Variants in NPAS3 observed in about 807,000 individuals in gnomAD.
The protein encoded by NPAS3 is neuronal PAS domain protein 3.
NPAS3 carries 14 observed loss-of-function variants against 73.1 expected under a neutral mutation model. The observed-to-expected ratio is 0.19, with a 90% CI of 0.13 to 0.30. The LOEUF is 0.30. NPAS3 is among the 10% of genes least tolerant of loss of function. The pLI, the probability that NPAS3 is intolerant of heterozygous loss-of-function variation, is 1.00. For synonymous variants in NPAS3, 620 were observed against 541.5 expected (o/e 1.14, Z -2.01); for missense variants, 1,096 against 1,250.0 (o/e 0.88, Z 1.86).
At chr14:33,189,751 A>T (rs1465229506) in intron 2 of NPAS3, among the ~76,000 whole-genome samples, 1 of 152,236 alleles carries the variant, frequency 6.6e-6, no homozygotes, top group Non-Finnish European at 1.5e-5. Flanking sequence ...GAATTAGTTT[A>T]TAGATCTAAA....
chr14:33,320,998 G>A (rs2043419776), intron 3 of NPAS3, among the ~76,000 whole-genome samples: 1 of 152,084 alleles, frequency 6.6e-6, no homozygotes, highest in Non-Finnish European at 1.5e-5. Context: ...AAACTGCAGA[G>A]AACATTGCTT....
intron 4 of NPAS3, among the ~76,000 whole-genome samples, chr14:33,537,023 A>G (rs2054287495): frequency 6.6e-6 from 1 of 152,056 alleles, no homozygotes; most frequent in Non-Finnish European, 1.5e-5. Flanking sequence ...AAATATTTTC[A>G]TACTTCAGCA....
rs2050796158 is a variant in NPAS3 at position 33,471,825 on chromosome 14, G to A, written c.469-88296G>A. ...CTGCACAACAGGAGGTGAGCAGCAG[G>A]CAAGCGGCGAGCGAGAGAAGCTTCA... On this transcript the variant is annotated intron_variant, in intron 4 of 11. Transcript: ENST00000356141. Among the ~76,000 whole-genome samples, 3 of 152,332 alleles carry A rather than the reference G, an allele frequency of 2.0e-5. No homozygotes were observed. In the South Asian group the frequency reaches 6.2e-4, roughly 32 times the overall value.
chr14:33,240,131 G>T (rs990490959), intron 3 of NPAS3, among the ~76,000 whole-genome samples: 8 of 151,804 alleles, frequency 5.3e-5, no homozygotes, highest in African/African-American at 1.9e-4. Context: ...TGCATGGAAG[G>T]ATGCATGTAA....
chr14:33,786,506 T>C (rs530041920), intron 9 of NPAS3, among the ~76,000 whole-genome samples: 91 of 152,370 alleles, frequency 6.0e-4, no homozygotes, highest in Admixed American at 1.2e-3. Context: ...CTGTTTTCAC[T>C]TCTGCCTATG....
At chr14:33,039,178 G>A (rs2040268806) in intron 1 of NPAS3, among the ~76,000 whole-genome samples, 1 of 152,066 alleles carries the variant, frequency 6.6e-6, no homozygotes, top group South Asian at 2.1e-4. Flanking sequence ...CTCATTCTGA[G>A]GTTATTCTGC....
intron 7 of NPAS3, among the ~76,000 whole-genome samples, chr14:33,768,650 T>C (rs1051675841): frequency 2.0e-5 from 3 of 152,162 alleles, no homozygotes; most frequent in Non-Finnish European, 2.9e-5. Context: ...TAGGCATCAT[T>C]GCCTGATTCT....
intron 2 of NPAS3, among the ~76,000 whole-genome samples, chr14:33,065,659 T>C (rs1038317016): frequency 2.2e-4 from 33 of 152,074 alleles, no homozygotes; most frequent in African/African-American, 6.3e-4. Context: ...TAAATCCTAA[T>C]TTCCCTGTCC....
At chr14:33,797,842 C>G (rs148707020) in intron 11 of NPAS3, among the ~76,000 whole-genome samples, 161 of 148,440 alleles carry the variant, frequency 1.1e-3, no homozygotes, top group African/African-American at 3.7e-3. Flanking sequence ...ATAAATACAT[C>G]TGTGTGTGTG....
At chr14:33,196,002 T>C (rs1326738826) in intron 2 of NPAS3, among the ~76,000 whole-genome samples, 1 of 152,206 alleles carries the variant, frequency 6.6e-6, no homozygotes, top group East Asian at 1.9e-4. Context: ...AATGGAAAGA[T>C]GTCCTAGAGA....
At chr14:33,730,018 T>G (rs1460251294) in intron 6 of NPAS3, among the ~76,000 whole-genome samples, 1 of 152,152 alleles carries the variant, frequency 6.6e-6, no homozygotes, top group African/African-American at 2.4e-5. Context: ...TGTTAGTTAC[T>G]ATATATATAC....
chr14:33,136,979 T>C (rs1371676928), intron 2 of NPAS3, among the ~76,000 whole-genome samples: 1 of 152,192 alleles, frequency 6.6e-6, no homozygotes, highest in Non-Finnish European at 1.5e-5. Context: ...TGATTAAAAT[T>C]GAGATGAATG....
intron 4 of NPAS3, among the ~76,000 whole-genome samples, chr14:33,405,616 AT>A (rs2047631355): frequency 6.6e-6 from 1 of 152,098 alleles, no homozygotes; most frequent in Admixed American, 6.6e-5. Flanking sequence ...TGTTCACAAT[AT>A]TTTGGGGGTA....
chr14:33,702,930 C>T (rs2140457392), intron 6 of NPAS3, among the ~76,000 whole-genome samples: 1 of 152,272 alleles, frequency 6.6e-6, no homozygotes, highest in South Asian at 2.1e-4. Flanking sequence ...ACAATTTCCA[C>T]TTAAGCTAGA....
intron 1 of NPAS3, among the ~76,000 whole-genome samples, chr14:32,972,127 A>T (rs2037458145): frequency 6.6e-6 from 1 of 151,502 alleles, no homozygotes; most frequent in Non-Finnish European, 1.5e-5. Context: ...TTTAGTGGAG[A>T]CAGAGTTTCA....
chr14:33,602,354 T>C (rs1193693119), intron 5 of NPAS3, among the ~76,000 whole-genome samples: 2 of 152,140 alleles, frequency 1.3e-5, no homozygotes, highest in Non-Finnish European at 2.9e-5. Context: ...TTGGGTAGGG[T>C]ATACAAAAGG....
chr14:33,520,669 C>T (rs1304879861), intron 4 of NPAS3, among the ~76,000 whole-genome samples: 3 of 152,032 alleles, frequency 2.0e-5, no homozygotes, highest in Admixed American at 6.6e-5. Context: ...GGAATAAAAA[C>T]AACACAATTA....
chr14:33,681,785 T>A (rs1215296661), intron 6 of NPAS3, among the ~76,000 whole-genome samples: 1 of 152,192 alleles, frequency 6.6e-6, no homozygotes, highest in East Asian at 1.9e-4. Context: ...AAAATTCACA[T>A]GGTGAGTACA....
intron 9 of NPAS3, among the ~76,000 whole-genome samples, chr14:33,793,130 G>T (rs769256985): frequency 5.3e-5 from 8 of 152,174 alleles, no homozygotes; most frequent in Non-Finnish European, 1.0e-4. Flanking sequence ...CTTTCAGTGG[G>T]TATTTAATGG....
Sources: gnomAD v4.1 joint callset for allele counts (sites outside exome capture counted in the v4.1 genomes callset) on GRCh38, gnomAD v4.1.1 for gene constraint, MANE v1.5 for transcripts, NCBI Gene and HGNC (gene_info 2026-07-23, HGNC 2026-07-21) for gene names.